DGKB: variants seen among roughly 807,000 people sequenced by gnomAD.
The protein encoded by DGKB is 90 kDa diacylglycerol kinase.
DGKB carries 67 observed loss-of-function variants against 114.3 expected under a neutral mutation model. That is an observed-to-expected ratio of 0.59 (90% CI 0.48 to 0.72). The LOEUF (loss-of-function observed/expected upper bound fraction) is 0.72, where lower values mean the gene tolerates loss of function less well. Among genes scored for constraint, DGKB ranks in the 30% least tolerant of loss-of-function variants. The probability of loss-of-function intolerance (pLI) is 0.00; values close to 1 mark genes in which losing one functional copy is unlikely to be tolerated. For missense variants in DGKB, 907 were observed against 975.2 expected, an observed-to-expected ratio of 0.93 and a Z score of 0.93; for synonymous variants, 398 against 323.1, an observed-to-expected ratio of 1.23 and a Z score of -2.49.
rs71033993 is a variant in DGKB, at chr7:14,388,209, G to GA, written c.1836-42819dup. 6.5e-3 allele frequency among the ~76,000 whole-genome samples: 839 copies of GA among 129,606 alleles called. 6 individuals are homozygous for GA. The highest frequency in any genetic ancestry group is 0.02 in the Middle Eastern group (5 of 250). 85.0% of individuals were successfully genotyped at this position (129,606 alleles called of 152,430 possible). ...TAGAAAATGGTGGTGCCATAATTTG[G>GA]AAAAAAAAAAAAATCTTCTGCAGAT... On this transcript the variant is annotated intron_variant, in intron 21 of 25. Transcript: ENST00000402815.
intron 17 of DGKB, among the ~76,000 whole-genome samples, chr7:14,585,811 T>A (rs541027042): frequency 6.6e-6 from 1 of 152,254 alleles, no homozygotes; most frequent in Admixed American, 6.5e-5. Flanking sequence ...ATTATTATTA[T>A]ATCTGTTATG....
At chr7:14,379,307 T>C (rs1819003680) in intron 21 of DGKB, among the ~76,000 whole-genome samples, 1 of 152,148 alleles carries the variant, frequency 6.6e-6, no homozygotes, top group South Asian at 2.1e-4. Context: ...TACAAAATCA[T>C]TTTTGTTGAA....
At chr7:14,769,254 GAAA>G (rs1837031743) in intron 2 of DGKB, among the ~76,000 whole-genome samples, 2 of 124,116 alleles carry the variant, frequency 1.6e-5, no homozygotes, top group Non-Finnish European at 3.1e-5. Flanking sequence ...AAGAAAGAAA[GAAA>G]GAAAGAAAGA....
intron 20 of DGKB, among the ~76,000 whole-genome samples, chr7:14,495,686 C>T (rs1785206076): frequency 2.6e-5 from 4 of 151,666 alleles, no homozygotes; most frequent in Admixed American, 1.3e-4. Context: ...TAGGGCATAT[C>T]TTGATTAATA....
intron 7 of DGKB, among the ~76,000 whole-genome samples, chr7:14,700,664 A>G (rs10265238): frequency 0.023 from 3,526 of 152,286 alleles, 132 homozygotes; most frequent in African/African-American, 0.081. Context: ...TCAAAGTTAC[A>G]TAAATAGGCT....
intron 10 of DGKB, 94 bp downstream of exon 10, chr7:14,685,151 G>A (rs549840876): frequency 1.1e-5 from 9 of 787,664 alleles, no homozygotes; most frequent in East Asian, 7.7e-5. Context: ...GTCCAGATCA[G>A]ATCTTAGGTC....
chr7:14,788,571 T>G (rs1030600004), intron 2 of DGKB, among the ~76,000 whole-genome samples: 1 of 152,040 alleles, frequency 6.6e-6, no homozygotes, highest in Non-Finnish European at 1.5e-5. Flanking sequence ...CCTAATCACC[T>G]CAGGGCCAGG....
rs1173622205 is a variant in DGKB, at chr7:14,695,494, C to CTTTTT, written c.592-1305_592-1301dup. On this transcript the variant is annotated intron_variant, in intron 8 of 25. Transcript: ENST00000402815. ...AATGTTCATTTCTCTCTCTCTCTCT[C>CTTTTT]TTTTTTTTTTTTTTTTTTTTTTTGA... Among the ~76,000 whole-genome samples the CTTTTT allele has an allele frequency of 2.2e-3, 169 of 75,162 alleles. 27 individuals are homozygous for CTTTTT. The highest frequency in any genetic ancestry group is 6.4e-3 in the African/African-American group (109 of 17,084). 49.3% of individuals were successfully genotyped at this position (75,162 alleles called of 152,430 possible).
intron 21 of DGKB, among the ~76,000 whole-genome samples, chr7:14,428,015 A>G (rs1827839004): frequency 6.6e-6 from 1 of 151,926 alleles, no homozygotes; most frequent in Non-Finnish European, 1.5e-5. Context: ...TTTTCTATTG[A>G]TGGTTCATTT....
intron 21 of DGKB, among the ~76,000 whole-genome samples, chr7:14,441,755 T>A (rs1407306475): frequency 6.6e-5 from 10 of 152,130 alleles, no homozygotes; most frequent in Non-Finnish European, 1.3e-4. Flanking sequence ...TTTTTTGTAC[T>A]GTTATATGTT....
At chr7:14,370,304 A>G (rs1284964480) in intron 21 of DGKB, among the ~76,000 whole-genome samples, 1 of 151,482 alleles carries the variant, frequency 6.6e-6, no homozygotes, top group Non-Finnish European at 1.5e-5. Flanking sequence ...CCATTGGTCT[A>G]TATATGCTGT....
At chr7:14,427,099 G>A (rs1000872078) in intron 21 of DGKB, among the ~76,000 whole-genome samples, 1 of 151,972 alleles carries the variant, frequency 6.6e-6, no homozygotes, top group African/African-American at 2.4e-5. Flanking sequence ...CTGTCAGGGA[G>A]TGGGGGGTGG....
chr7:14,859,630 G>A (rs1465184874), intron 1 of DGKB, among the ~76,000 whole-genome samples: 1 of 152,060 alleles, frequency 6.6e-6, no homozygotes, highest in Non-Finnish European at 1.5e-5. Flanking sequence ...CCTTGTTGTT[G>A]GAATTCACAA....
At chr7:14,761,928 G>C (rs752356463) in intron 2 of DGKB, among the ~76,000 whole-genome samples, 6 of 152,150 alleles carry the variant, frequency 3.9e-5, no homozygotes, top group Non-Finnish European at 7.4e-5. Flanking sequence ...GGGTCTCCTG[G>C]AAAGCAAAGG....
At chr7:14,283,078 T>C (rs910550336) in intron 23 of DGKB, among the ~76,000 whole-genome samples, 2 of 151,786 alleles carry the variant, frequency 1.3e-5, no homozygotes, top group Non-Finnish European at 2.9e-5. Context: ...AAATTGTCCC[T>C]GTTTGCAGAT....
chr7:14,329,830 C>A (rs17168073), intron 23 of DGKB, among the ~76,000 whole-genome samples: 1 of 151,772 alleles, frequency 6.6e-6, no homozygotes, highest in Non-Finnish European at 1.5e-5. Flanking sequence ...ATCACTTGAG[C>A]GTTATATTAT....
intron 17 of DGKB, among the ~76,000 whole-genome samples, chr7:14,591,419 G>T (rs1217458802): frequency 1.3e-5 from 2 of 152,078 alleles, no homozygotes; most frequent in Non-Finnish European, 2.9e-5. Context: ...AATGAATGAT[G>T]ATGAGTTTCC....
chr7:14,206,342 T>C (rs112229509), intron 23 of DGKB, among the ~76,000 whole-genome samples: 10 of 152,034 alleles, frequency 6.6e-5, no homozygotes, highest in African/African-American at 2.2e-4. Context: ...ACTGGAAGCA[T>C]GTGAGACTCA....
chr7:14,203,652 ATCT>A (rs1351643910), intron 23 of DGKB, among the ~76,000 whole-genome samples: 5 of 151,966 alleles, frequency 3.3e-5, no homozygotes, highest in African/African-American at 1.2e-4. Context: ...AATGAATGGC[ATCT>A]TCTTGAATTT....
Sources: allele counts gnomAD v4.1 joint callset (sites outside exome capture counted in the v4.1 genomes callset), GRCh38; gene constraint gnomAD v4.1.1; transcripts MANE v1.5; gene names NCBI Gene and HGNC (gene_info 2026-07-23, HGNC 2026-07-21).